Variants in LMAN2 observed in about 807,000 individuals in gnomAD.
LMAN2 encodes the protein lectin, mannose binding 2, also known as vesicular integral-membrane protein VIP36.
In LMAN2, 22 loss-of-function variants were observed where a neutral mutation model predicts 39.3. The ratio of observed to expected loss-of-function variants is 0.56; its 90% CI spans 0.40 to 0.80. The LOEUF (loss-of-function observed/expected upper bound fraction) is 0.80. Among genes scored for constraint, LMAN2 ranks in the 30% least tolerant of loss-of-function variants. The pLI is 0.00. For synonymous variants in LMAN2, 207 were observed against 207.8 expected, an observed-to-expected ratio of 1.00 and a Z score of 0.03; for missense variants, 494 against 505.4, an observed-to-expected ratio of 0.98 and a Z score of 0.22.
chr5:177,333,238 G>A (rs945516828), intron 7 of LMAN2, among the ~76,000 whole-genome samples: 2 of 152,182 alleles, frequency 1.3e-5, no homozygotes, highest in African/African-American at 4.8e-5. Context: ...CCTAGAATGA[G>A]CCCCAGGGGC....
Position 177,337,884 on chromosome 5 carries a change from GC to G in LMAN2, c.434-100del, listed in dbSNP as rs775471658. 2.0e-6 allele frequency: 2 copies of G among 998,482 alleles called. No homozygotes were observed. Among genetic ancestry groups the G allele is most frequent in the Non-Finnish European group, 1.5e-6 (1 of 647,616 alleles). 61.9% of individuals were successfully genotyped at this position (998,482 alleles called of 1,614,324 possible). On this transcript the variant is annotated intron_variant, in intron 3 of 7. Coordinates refer to ENST00000303127, the MANE Select transcript of LMAN2 (RefSeq NM_006816.3). This position sits in a 1 kb window ranked among gnomAD's most constrained non-coding sequence, Gnocchi z 8.2. ...TGCCAACATGGGTGGGGGCAAGAGA[GC>G]CCAACCCACTGGCCATTCACCGAGA...
chr5:177,337,339 AC>A lies in LMAN2; in HGVS notation c.675+23del, dbSNP rs774519423. On this transcript the variant is annotated intron_variant, in intron 5 of 7. Transcript: ENST00000303127. This position sits in a 1 kb window ranked among gnomAD's most constrained non-coding sequence, Gnocchi z 8.2. ...GACCAGCACAGGGCCACCAGCTGCC[AC>A]CCCCACCGCCTAGCCTGCTCACCGT... 1.1e-5 allele frequency: 17 copies of A among 1,609,506 alleles called. 1 individual carries two copies. The East Asian group carries it at 2.7e-4, about 25-fold the overall frequency.
chr5:177,351,385 A>T, intron 1 of LMAN2, 67 bp downstream of exon 1: 1 of 1,602,538 alleles, frequency 6.2e-7, no homozygotes, highest in Non-Finnish European at 8.5e-7. Context: ...GAGAAAGGGC[A>T]CGCCTTCCCC....
chr5:177,334,947 C>T (rs1323652105), intron 6 of LMAN2, among the ~76,000 whole-genome samples: 1 of 152,178 alleles, frequency 6.6e-6, no homozygotes, highest in Non-Finnish European at 1.5e-5. Context: ...CTGAGCCTAA[C>T]GCAGGTCAGC....
Position 177,337,633 on chromosome 5 carries a change from T to C in LMAN2, c.513+73A>G. On this transcript the variant is annotated intron_variant, in intron 4 of 7. Transcript: ENST00000303127. The surrounding 1 kb of genome is among the most constrained non-coding windows in gnomAD (Gnocchi z 8.2). ...TCCTCTTGTGCTGGGACCATGGAAG[T>C]CCCAGGGCCCCCTCCTCTAGCCGAC... 1.2e-6 allele frequency: 2 copies of C among 1,603,986 alleles called. No individual in the cohort carries two copies. Among genetic ancestry groups the C allele is most frequent in the Non-Finnish European group, 1.7e-6 (2 of 1,174,116 alleles).
intron 2 of LMAN2, among the ~76,000 whole-genome samples, chr5:177,342,050 G>C (rs1319331547): frequency 2.0e-5 from 3 of 152,102 alleles, no homozygotes; most frequent in Non-Finnish European, 4.4e-5. Flanking sequence ...TGAATATATA[G>C]AGTAAGATAG....
At position 177,338,550 on chromosome 5, in the gene LMAN2, C is replaced by T; in HGVS notation, c.371G>A (p.Gly124Glu). ...GCCGTCTCCATGGAGGTTCTTCTTC[C>T]CTGTGCCGTGGACTTTGAAGTGGAC... is the stretch of plus-strand genomic sequence containing the variant. ...MHVHFKVHGT[G>E]KKNLHGDGIA... Residue 124 changes from glycine to glutamate, a missense_variant, in exon 3 of 8, where the codon GGG becomes GAG. Physicochemically the swap from Gly to Glu is moderately conservative, Grantham distance 98. Coordinates refer to ENST00000303127, the MANE Select transcript of LMAN2 (RefSeq NM_006816.3). The T allele has an allele frequency of 5.6e-6, 9 of 1,614,252 alleles. 1 individual carries two copies. Among genetic ancestry groups the T allele is most frequent in the East Asian group, 2.2e-5 (1 of 44,884 alleles).
intron 3 of LMAN2, among the ~76,000 whole-genome samples, chr5:177,338,080 C>G (rs1226499012): frequency 6.6e-6 from 1 of 152,100 alleles, no homozygotes; most frequent in Non-Finnish European, 1.5e-5. Flanking sequence ...CACAGGACAG[C>G]CCTACCCAGG....
At chr5:177,346,255 A>C in intron 2 of LMAN2, 1 of 233,450 alleles carries the variant, frequency 4.3e-6, no homozygotes, top group South Asian at 9.5e-5. Context: ...CAAGGCTTCG[A>C]GAATCACCAC....
intron 6 of LMAN2, 142 bp from the exon 7 acceptor site, chr5:177,334,545 G>T: frequency 8.8e-7 from 1 of 1,141,646 alleles, no homozygotes; most frequent in Non-Finnish European, 1.2e-6. Context: ...GCCGGCTAGG[G>T]CCTGTTTTCT....
rs1761389651 is a variant in LMAN2, at chr5:177,331,879, C to T, written c.*207G>A. The T allele has an allele frequency of 1.8e-6, 1 of 556,902 alleles. No individual in the cohort carries two copies. Among genetic ancestry groups the T allele is most frequent in the African/African-American group, 1.9e-5 (1 of 53,118 alleles). The allele number at this position is 556,902 out of a possible 1,614,324, so 34.5% of individuals were successfully genotyped here. A position where few individuals can be genotyped will look rare whatever the true frequency, so the allele number is the denominator to read the frequency against. ...ACACCAGCCCCAGGAGAGCCTCCGT[C>T]TCCAGCTGTGGGGGGTGCCAGACCC... On this transcript the variant is annotated 3_prime_UTR_variant, in exon 8 of 8. Transcript: ENST00000303127.
intron 2 of LMAN2, 57 bp from the exon 3 acceptor site, chr5:177,338,662 G>GA: frequency 7.0e-7 from 1 of 1,437,592 alleles, no homozygotes; most frequent in Non-Finnish European, 9.8e-7. Context: ...CAGCAAGCTG[G>GA]AGGCAACCCC....
At chr5:177,340,227 A>C (rs1265318947) in intron 2 of LMAN2, among the ~76,000 whole-genome samples, 2 of 152,208 alleles carry the variant, frequency 1.3e-5, no homozygotes, top group South Asian at 2.1e-4. Flanking sequence ...ACAACAACAA[A>C]AAAGTTTTTT....
At chr5:177,345,732 CATGCATTTATTT>C (rs1348491622) in intron 2 of LMAN2, among the ~76,000 whole-genome samples, 155 of 117,164 alleles carry the variant, frequency 1.3e-3, no homozygotes, top group African/African-American at 1.7e-3. Context: ...GCAGCCATGG[CATGCATTTATTT>C]ATTTATTTAT....
chr5:177,332,056 C>A lies in LMAN2; in HGVS notation c.*30G>T. 1 of 1,573,416 alleles carries A rather than the reference C, an allele frequency of 6.4e-7. No individual in the cohort carries two copies. Among genetic ancestry groups the A allele is most frequent in the African/African-American group, 1.4e-5 (1 of 73,364 alleles). On this transcript the variant is annotated 3_prime_UTR_variant, in exon 8 of 8. Transcript: ENST00000303127. The surrounding 1 kb of genome is among the most constrained non-coding windows in gnomAD (Gnocchi z 6.3). Reference sequence around the variant, plus strand: ...AAAAAAGTTCACATTGGCTCCTGGGCCCAGGGACAGGCCCCGCCGGAGGCG... The same window carrying A: ...AAAAAAGTTCACATTGGCTCCTGGGACCAGGGACAGGCCCCGCCGGAGGCG...
At chr5:177,346,449 T>A (rs982610861) in intron 2 of LMAN2, 4 of 365,930 alleles carry the variant, frequency 1.1e-5, no homozygotes, top group Admixed American at 3.9e-5. Flanking sequence ...AATAAATTGA[T>A]TACCGGTTGT....
chr5:177,331,800 C>T lies in LMAN2; in HGVS notation c.*286G>A, dbSNP rs1325073241. On this transcript the variant is annotated 3_prime_UTR_variant, in exon 8 of 8. Transcript: ENST00000303127. ...GTCCGGGGGACCCTCCAGTGTTCAA[C>T]AGCTGCCTGCAGGGGCCACAGCCCA... 7.9e-5 allele frequency: 25 copies of T among 315,518 alleles called. No homozygotes were observed. In the East Asian group the frequency reaches 1.4e-3, roughly 17 times the overall value. 19.5% of individuals were successfully genotyped at this position (315,518 alleles called of 1,614,324 possible).
At chr5:177,340,901 C>A (rs1279017312) in intron 2 of LMAN2, among the ~76,000 whole-genome samples, 1 of 149,806 alleles carries the variant, frequency 6.7e-6, no homozygotes. Flanking sequence ...ACTACAGGCG[C>A]CCGCCACCAC....
intron 2 of LMAN2, among the ~76,000 whole-genome samples, chr5:177,350,108 G>C (rs558796825): frequency 6.6e-6 from 1 of 152,236 alleles, no homozygotes; most frequent in South Asian, 2.1e-4. Flanking sequence ...GCTGAAGAAA[G>C]TATCCGCAGA....
Sources: gnomAD v4.1 joint callset for allele counts (sites outside exome capture counted in the v4.1 genomes callset) on GRCh38, gnomAD v4.1.1 for gene constraint, Gnocchi (gnomAD v3.1) non-coding constraint, MANE v1.5 for transcripts, NCBI Gene and HGNC (gene_info 2026-07-23, HGNC 2026-07-21) for gene names.